FOXO1: variants seen among roughly 807,000 people sequenced by gnomAD.
FOXO1 encodes forkhead box protein O1.
A neutral mutation model predicts 44.1 loss-of-function variants in FOXO1; 6 were observed. That is an observed-to-expected ratio of 0.14 (90% CI 0.07 to 0.27). The LOEUF (loss-of-function observed/expected upper bound fraction) is 0.27, where lower values mean the gene tolerates loss of function less well. Among genes scored for constraint, FOXO1 ranks in the 10% least tolerant of loss-of-function variants. The pLI, the probability that FOXO1 is intolerant of heterozygous loss-of-function variation, is 1.00. For synonymous variants in FOXO1, 380 were observed against 362.7 expected, an observed-to-expected ratio of 1.05 and a Z score of -0.54; for missense variants, 737 against 888.8, an observed-to-expected ratio of 0.83 and a Z score of 2.17.
At chr13:40,646,644 A>G (rs1049027714) in intron 1 of FOXO1, among the ~76,000 whole-genome samples, 2 of 152,116 alleles carry the variant, frequency 1.3e-5, no homozygotes, top group Non-Finnish European at 2.9e-5. Flanking sequence ...TCCAGGGTGG[A>G]GTGCAGTGGC....
chr13:40,587,793 T>C (rs1049280141), intron 1 of FOXO1, among the ~76,000 whole-genome samples: 1 of 152,256 alleles, frequency 6.6e-6, no homozygotes, highest in African/African-American at 2.4e-5. Flanking sequence ...ACATTAATTA[T>C]GAAGTCCATC....
chr13:40,580,953 A>G (rs1366076486), intron 1 of FOXO1, among the ~76,000 whole-genome samples: 1 of 152,236 alleles, frequency 6.6e-6, no homozygotes, highest in Non-Finnish European at 1.5e-5. Flanking sequence ...ACACACTTAA[A>G]TACCCGGCGC....
chr13:40,591,128 G>A (rs113880178), intron 1 of FOXO1, among the ~76,000 whole-genome samples: 1 of 152,118 alleles, frequency 6.6e-6, no homozygotes, highest in Middle Eastern at 3.4e-3. Context: ...GAGGTCCATC[G>A]TTTCTGATCT....
intron 1 of FOXO1, among the ~76,000 whole-genome samples, chr13:40,570,352 G>A (rs1874439776): frequency 6.6e-6 from 1 of 151,918 alleles, no homozygotes; most frequent in African/African-American, 2.4e-5. Context: ...CCCCTAAGAG[G>A]TGAGGAGGTC....
chr13:40,657,319 C>CTTT (rs369503666), intron 1 of FOXO1, among the ~76,000 whole-genome samples: 33 of 127,800 alleles, frequency 2.6e-4, no homozygotes, highest in Middle Eastern at 4.3e-3. Context: ...CCTTTTTTTT[C>CTTT]TTTTTTTTTT....
At position 40,558,849 on chromosome 13, in the gene FOXO1, T is replaced by C. The variant is rs1873859819; in HGVS notation, c.*200A>G. 5.0e-6 allele frequency: 2 copies of C among 398,732 alleles called. No individual in the cohort carries two copies. The highest frequency in any genetic ancestry group is 4.4e-6 in the Non-Finnish European group (1 of 226,054). 24.7% of individuals were successfully genotyped at this position (398,732 alleles called of 1,614,324 possible). ...TACAGCAGCACATAACCTGCACACATTGGGCAAACATCCTGTACAGGAAAA... is the reference window on the plus strand; with the variant it reads ...TACAGCAGCACATAACCTGCACACACTGGGCAAACATCCTGTACAGGAAAA... On this transcript the variant is annotated 3_prime_UTR_variant, in exon 3 of 3. Coordinates refer to ENST00000379561, the MANE Select transcript of FOXO1 (RefSeq NM_002015.4).
At chr13:40,618,411 A>G (rs1876496789) in intron 1 of FOXO1, among the ~76,000 whole-genome samples, 1 of 152,206 alleles carries the variant, frequency 6.6e-6, no homozygotes, top group African/African-American at 2.4e-5. Context: ...AATACCACCA[A>G]TTCATACTAA....
chr13:40,650,764 T>C (rs891315034), intron 1 of FOXO1, among the ~76,000 whole-genome samples: 1 of 152,222 alleles, frequency 6.6e-6, no homozygotes, highest in Non-Finnish European at 1.5e-5. Flanking sequence ...TTAATTGTTG[T>C]TGTTTTTTGA....
chr13:40,567,960 T>TC (rs1874336137), intron 1 of FOXO1, among the ~76,000 whole-genome samples: 1 of 150,066 alleles, frequency 6.7e-6, no homozygotes, highest in South Asian at 2.1e-4. Context: ...AGAGCAAGAC[T>TC]CCGTCTTAAA....
intron 1 of FOXO1, among the ~76,000 whole-genome samples, chr13:40,581,774 TATC>T (rs1255653621): frequency 6.6e-6 from 1 of 152,190 alleles, no homozygotes; most frequent in Non-Finnish European, 1.5e-5. Context: ...ATCTCAAAAA[TATC>T]ATGCTGACTT....
intron 1 of FOXO1, among the ~76,000 whole-genome samples, chr13:40,607,721 TA>T (rs1283589245): frequency 1.2e-4 from 18 of 152,274 alleles, no homozygotes; most frequent in Admixed American, 7.2e-4. Flanking sequence ...GCCTTGAGCC[TA>T]CACCAACACA....
rs542317436 is a variant in FOXO1, at chr13:40,665,184, A to G, written c.630+399T>C. On this transcript the variant is annotated intron_variant, in intron 1 of 2. Coordinates refer to ENST00000379561, the MANE Select transcript of FOXO1 (RefSeq NM_002015.4). ...AAACAGCTCCGCGGCGCGGCCGGAG[A>G]GAACCCGCCCTCCCCCCGCGGAGGT... Among the ~76,000 whole-genome samples, 152 of 151,838 alleles carry G rather than the reference A, an allele frequency of 1.0e-3. 2 individuals carry two copies. The highest frequency in any genetic ancestry group is 3.3e-3 in the African/African-American group (137 of 41,420).
chr13:40,657,760 T>C (rs1386251169), intron 1 of FOXO1, among the ~76,000 whole-genome samples: 1 of 152,240 alleles, frequency 6.6e-6, no homozygotes, highest in Non-Finnish European at 1.5e-5. Flanking sequence ...CTACTGGATC[T>C]ATGTTTTGAG....
At chr13:40,647,216 T>C (rs765750283) in intron 1 of FOXO1, among the ~76,000 whole-genome samples, 41 of 152,278 alleles carry the variant, frequency 2.7e-4, no homozygotes, top group Non-Finnish European at 5.3e-4. Context: ...CCCCTCATCC[T>C]CCTTTAACTT....
chr13:40,601,958 A>G (rs1390459409), intron 1 of FOXO1, among the ~76,000 whole-genome samples: 6 of 152,230 alleles, frequency 3.9e-5, no homozygotes, highest in African/African-American at 7.2e-5. Flanking sequence ...TATGTTATCA[A>G]TAATAATGAA....
At chr13:40,606,603 G>T (rs754490893) in intron 1 of FOXO1, among the ~76,000 whole-genome samples, 10 of 152,142 alleles carry the variant, frequency 6.6e-5, no homozygotes, top group Non-Finnish European at 8.8e-5. Context: ...GTAAGCCACC[G>T]CGCCCGGCCA....
chr13:40,639,059 T>A (rs1003443416), intron 1 of FOXO1, among the ~76,000 whole-genome samples: 7 of 152,112 alleles, frequency 4.6e-5, no homozygotes, highest in African/African-American at 1.7e-4. Context: ...CCAGGTGTGG[T>A]GGTGCGTGCC....
intron 1 of FOXO1, among the ~76,000 whole-genome samples, chr13:40,607,589 C>T (rs1429057286): frequency 1.3e-5 from 2 of 152,112 alleles, no homozygotes; most frequent in Admixed American, 1.3e-4. Context: ...GATTCTATAA[C>T]CCCAAACACA....
At chr13:40,664,073 G>A (rs1253437754) in intron 1 of FOXO1, among the ~76,000 whole-genome samples, 1 of 152,244 alleles carries the variant, frequency 6.6e-6, no homozygotes, top group Non-Finnish European at 1.5e-5. Context: ...AGGAGATCCA[G>A]AACATCCTGG....
Sources: gnomAD v4.1 joint callset for allele counts (sites outside exome capture counted in the v4.1 genomes callset) on GRCh38, gnomAD v4.1.1 for gene constraint, MANE v1.5 for transcripts, NCBI Gene and HGNC (gene_info 2026-07-23, HGNC 2026-07-21) for gene names.